SAXO2: variants seen among roughly 807,000 people sequenced by gnomAD.
SAXO2 encodes the protein family with sequence similarity 154, member B.
A neutral mutation model predicts 18.7 loss-of-function variants in SAXO2; 17 were observed. The observed-to-expected ratio is 0.91, with a 90% CI of 0.62 to 1.36. The LOEUF (loss-of-function observed/expected upper bound fraction) is 1.36. Ranked by LOEUF, SAXO2 falls within the 40% of genes most tolerant of loss-of-function variation. The pLI is 0.00. For missense variants in SAXO2, 486 were observed against 562.6 expected (o/e 0.86, Z 1.38); for synonymous variants, 163 against 181.2 (o/e 0.90, Z 0.81).
At chr15:82,273,106 A>G (rs563157389) in intron 3 of SAXO2, among the ~76,000 whole-genome samples, 2 of 151,942 alleles carry the variant, frequency 1.3e-5, no homozygotes, top group South Asian at 2.1e-4. Flanking sequence ...GGGTTTCACC[A>G]TGTTGGCCAG....
rs546018454 is a variant in SAXO2 at position 82,284,690 on chromosome 15, T to A, written c.*1628T>A. 70 of 152,366 alleles carry A rather than the reference T, an allele frequency of 4.6e-4. No individual in the cohort carries two copies. The highest frequency in any genetic ancestry group is 1.2e-3 in the Admixed American group (18 of 15,306). The allele number at this position is 152,366 out of a possible 1,614,324, so 9.4% of individuals were successfully genotyped here. On this transcript the variant is annotated 3_prime_UTR_variant, in exon 4 of 4. Transcript: ENST00000682753. ...ACTCTTATTGGGTGGTTTCTTTTTTTAAAAAAATTAAATAATTGCATTATG... is the reference window on the plus strand; with the variant it reads ...ACTCTTATTGGGTGGTTTCTTTTTTAAAAAAAATTAAATAATTGCATTATG...
At chr15:82,282,075 T>C (rs1212542300) in intron 3 of SAXO2, 44 bp from the exon 4 acceptor site, 5 of 1,478,766 alleles carry the variant, frequency 3.4e-6, no homozygotes, top group Non-Finnish European at 3.7e-6. Flanking sequence ...ATGGTTGTTT[T>C]CTTCAGCATT....
chr15:82,279,559 G>C (rs1447038974), intron 3 of SAXO2, among the ~76,000 whole-genome samples: 3 of 152,142 alleles, frequency 2.0e-5, no homozygotes, highest in African/African-American at 7.2e-5. Context: ...ATGTGGGTTG[G>C]TGTTTGAAGG....
At chr15:82,279,609 T>A (rs1267065491) in intron 3 of SAXO2, among the ~76,000 whole-genome samples, 1 of 152,142 alleles carries the variant, frequency 6.6e-6, no homozygotes, top group Non-Finnish European at 1.5e-5. Context: ...AGTCACCACC[T>A]TACAGGTAGT....
chr15:82,268,140 G>C (rs1295796282), intron 2 of SAXO2, among the ~76,000 whole-genome samples: 1 of 151,998 alleles, frequency 6.6e-6, no homozygotes, highest in African/African-American at 2.4e-5. Context: ...AAATGGGAAT[G>C]GTTGTTCTTT....
rs1207124092 is a variant in SAXO2, at chr15:82,264,909, T to C, written c.54-660T>C. ...ACTCTCTCCTTATGTAGCTCTCTTC[T>C]GAATCAAAGTATCATGTGAATACAC... On this transcript the variant is annotated intron_variant, in intron 1 of 3. Transcript: ENST00000682753. 23 of 589,854 alleles carry C rather than the reference T, an allele frequency of 3.9e-5. No individual in the cohort carries two copies. In the Admixed American group the frequency reaches 4.7e-4, roughly 12 times the overall value. The allele number at this position is 589,854 out of a possible 1,614,324, so 36.5% of individuals were successfully genotyped here. A position where few individuals can be genotyped will look rare whatever the true frequency, so the allele number is the denominator to read the frequency against.
In SAXO2 at chr15:82,283,036, A is replaced by G. The variant is rs977574734; in HGVS notation, c.1351A>G (p.Ile451Val). ...CCAAGGTCATAAATTCTTCCGCAAG[A>G]TTATTCCTGCAGTGAAGGCCTTCTA... Reference protein sequence around the residue: ...NSQGHKFFRKIIPAVKAF With the variant: ...NSQGHKFFRKVIPAVKAF Residue 451 changes from isoleucine to valine, a missense_variant, in exon 4 of 4, where the codon ATT becomes GTT. Coordinates refer to ENST00000682753, the MANE Select transcript of SAXO2 (RefSeq NM_001348699.2). The G allele has an allele frequency of 8.7e-6, 14 of 1,613,000 alleles. No homozygotes were observed. The highest frequency in any genetic ancestry group is 1.3e-5 in the African/African-American group (1 of 74,920).
chr15:82,279,866 T>G (rs2075348164), intron 3 of SAXO2, among the ~76,000 whole-genome samples: 1 of 152,170 alleles, frequency 6.6e-6, no homozygotes, highest in Non-Finnish European at 1.5e-5. Flanking sequence ...AGTGGGCAAG[T>G]GCATGCAGGC....
intron 2 of SAXO2, among the ~76,000 whole-genome samples, chr15:82,268,022 T>C (rs2075235900): frequency 6.6e-6 from 1 of 152,242 alleles, no homozygotes; most frequent in African/African-American, 2.4e-5. Flanking sequence ...TACTGTTGTT[T>C]ATAGTCTGTG....
At chr15:82,280,592 T>C (rs2075354739) in intron 3 of SAXO2, among the ~76,000 whole-genome samples, 1 of 152,220 alleles carries the variant, frequency 6.6e-6, no homozygotes, top group African/African-American at 2.4e-5. Flanking sequence ...CCTTCATCTC[T>C]GCAATAAGCT....
chr15:82,269,872 T>C (rs1032764022), intron 2 of SAXO2, among the ~76,000 whole-genome samples: 7 of 152,116 alleles, frequency 4.6e-5, no homozygotes, highest in African/African-American at 1.4e-4. Context: ...CAGTAGTTGA[T>C]GATGGACTAG....
At chr15:82,264,716 A>G (rs2075197165) in intron 1 of SAXO2, 3 of 702,276 alleles carry the variant, frequency 4.3e-6, no homozygotes, top group Admixed American at 2.0e-5. Flanking sequence ...ATAATCAGAA[A>G]ATTGCAACAG....
chr15:82,262,941 C>T lies in SAXO2; in HGVS notation c.53+9C>T. 6.2e-7 allele frequency: 1 copy of T among 1,601,174 alleles called. No homozygotes were observed. The highest frequency in any genetic ancestry group is 2.3e-5 in the East Asian group (1 of 44,024). ...CAGATTTGTAGCTGCGGGTAAGAAA[C>T]GGCTGGTGTAGCGGCGGGCCCGGGC... On this transcript the variant is annotated intron_variant, in intron 1 of 3. Coordinates refer to ENST00000682753, the MANE Select transcript of SAXO2 (RefSeq NM_001348699.2).
chr15:82,265,848 T>A, intron 2 of SAXO2, 100 bp downstream of exon 2: 1 of 819,428 alleles, frequency 1.2e-6, no homozygotes, highest in Non-Finnish European at 1.7e-6. Context: ...TCAGTTGATT[T>A]AAGTTGAACC....
intron 3 of SAXO2, among the ~76,000 whole-genome samples, chr15:82,281,339 A>G (rs2075360176): frequency 6.6e-6 from 1 of 152,214 alleles, no homozygotes; most frequent in African/African-American, 2.4e-5. Context: ...CAGTCTAGGT[A>G]AACTGCAGGA....
At chr15:82,271,195 G>A (rs1217220898) in intron 2 of SAXO2, among the ~76,000 whole-genome samples, 1 of 152,190 alleles carries the variant, frequency 6.6e-6, no homozygotes, top group Non-Finnish European at 1.5e-5. Flanking sequence ...GAGACTGTAA[G>A]TAAGATGAAT....
intron 3 of SAXO2, among the ~76,000 whole-genome samples, chr15:82,276,966 T>C (rs1411461964): frequency 5.9e-5 from 9 of 152,174 alleles, no homozygotes; most frequent in Non-Finnish European, 1.3e-4. Flanking sequence ...TATATTATGT[T>C]TTTACACAAA....
intron 2 of SAXO2, 29 bp downstream of exon 2, chr15:82,265,777 T>G: frequency 6.7e-7 from 1 of 1,488,892 alleles, no homozygotes; most frequent in Non-Finnish European, 8.9e-7. Flanking sequence ...TTTGCTTTAC[T>G]TATTTTTCTC....
rs2075369800 is a variant in SAXO2 at position 82,282,343 on chromosome 15, C to T, written c.658C>T (p.Leu220Phe). The change falls in exon 4 of 4, where the codon CTT (leucine) becomes TTT (phenylalanine). Residue 220 changes from leucine to phenylalanine, a missense_variant. By Grantham distance (22) the Leu-to-Phe change is conservative. Coordinates refer to ENST00000682753, the MANE Select transcript of SAXO2 (RefSeq NM_001348699.2). ...SHRLDYIPHQ[L>F]ELKFERPKEV... ...TCGCCTTGATTATATACCTCATCAG[C>T]TTGAACTCAAGTTTGAAAGGCCAAA... 1.2e-6 allele frequency: 2 copies of T among 1,614,056 alleles called. No homozygotes were observed. Among genetic ancestry groups the T allele is most frequent in the African/African-American group, 2.7e-5 (2 of 74,912 alleles).
Sources: gnomAD v4.1 joint callset for allele counts (sites outside exome capture counted in the v4.1 genomes callset) on GRCh38, gnomAD v4.1.1 for gene constraint, MANE v1.5 for transcripts, NCBI Gene and HGNC (gene_info 2026-07-23, HGNC 2026-07-21) for gene names.